NUFIP2: variants seen among roughly 807,000 people sequenced by gnomAD.
NUFIP2 encodes the protein nuclear FMR1 interacting protein 2.
In NUFIP2, 6 loss-of-function variants were observed where a neutral mutation model predicts 56.9. The observed-to-expected ratio is 0.11, with a 90% CI of 0.06 to 0.21. The LOEUF (loss-of-function observed/expected upper bound fraction) is 0.21. Ranked by LOEUF, NUFIP2 falls within the 10% of genes least tolerant of loss-of-function variation. NUFIP2 has a pLI of 1.00. For missense variants in NUFIP2, 828 were observed against 826.8 expected (o/e 1.00, Z -0.02); for synonymous variants, 321 against 298.2 (o/e 1.08, Z -0.79).
chr17:29,289,032 G>T (rs1191640922), intron 1 of NUFIP2, among the ~76,000 whole-genome samples: 2 of 152,068 alleles, frequency 1.3e-5, no homozygotes, highest in East Asian at 3.9e-4. Flanking sequence ...ACTCCCAGCT[G>T]GGGGAGCTGA....
intron 1 of NUFIP2, among the ~76,000 whole-genome samples, chr17:29,292,227 G>A (rs1481352114): frequency 2.6e-5 from 4 of 152,004 alleles, no homozygotes; most frequent in African/African-American, 7.3e-5. Context: ...GAGGCAAGAT[G>A]GTAGTAGTCT....
At position 29,287,487 on chromosome 17, in the gene NUFIP2, T is replaced by C; in HGVS notation, c.507A>G (p.Glu169=). The C allele has an allele frequency of 6.2e-7, 1 of 1,614,114 alleles. No homozygotes were observed. The highest frequency in any genetic ancestry group is 8.5e-7 in the Non-Finnish European group (1 of 1,179,996). The part of the protein sequence containing the change: ...SMDKKNGKSY[E]NKSGENQSVD... ...CAGACTGATTCTCTCCAGATTTATTTTCATAAGACTTCCCATTCTTTTTGT... is the reference window on the plus strand; with the variant it reads ...CAGACTGATTCTCTCCAGATTTATTCTCATAAGACTTCCCATTCTTTTTGT... The change falls in exon 2 of 4, where the codon GAA becomes GAG. Residue 169 remains glutamate, a synonymous_variant. Transcript: ENST00000225388.
At chr17:29,291,209 G>A (rs1169384549) in intron 1 of NUFIP2, among the ~76,000 whole-genome samples, 1 of 152,050 alleles carries the variant, frequency 6.6e-6, no homozygotes, top group Admixed American at 6.6e-5. Flanking sequence ...AGGATTCCTA[G>A]CGCTTTATTT....
intron 2 of NUFIP2, among the ~76,000 whole-genome samples, chr17:29,281,662 C>A (rs1236413089): frequency 6.8e-6 from 1 of 147,706 alleles, no homozygotes; most frequent in East Asian, 2.0e-4. Flanking sequence ...GCACTCCAGC[C>A]TGGGTGACAA....
In NUFIP2 at chr17:29,285,957, A is replaced by C. The variant is rs761351828; in HGVS notation, c.2002+35T>G. The C allele has an allele frequency of 6.6e-6, 10 of 1,516,914 alleles. No homozygotes were observed. The South Asian group carries it at 9.9e-5, about 15-fold the overall frequency. 94.0% of individuals were successfully genotyped at this position (1,516,914 alleles called of 1,614,324 possible). ...ATATAAACAATATACTAAATTGGCC[A>C]ATAAAAATCTTTGTATAGGAAACAA... On this transcript the variant is annotated intron_variant, in intron 2 of 3. Transcript: ENST00000225388.
rs552315019 is a variant in NUFIP2 at position 29,263,277 on chromosome 17, G to A, written c.*1262C>T. The A allele has an allele frequency of 6.6e-6, 1 of 152,486 alleles. No individual in the cohort carries two copies. Among genetic ancestry groups the A allele is most frequent in the East Asian group, 1.9e-4 (1 of 5,182 alleles). 9.4% of individuals were successfully genotyped at this position (152,486 alleles called of 1,614,324 possible). A position where few individuals can be genotyped will look rare whatever the true frequency, so the allele number is the denominator to read the frequency against. On this transcript the variant is annotated 3_prime_UTR_variant, in exon 4 of 4. Transcript: ENST00000225388. ...GGATGGCAATGTAATGATAAGACAG[G>A]GCTAATGCTCTTCTCTGCCCCAAAG...
Position 29,287,028 on chromosome 17 carries a change from C to A in NUFIP2, c.966G>T (p.Lys322Asn). 6.2e-7 allele frequency: 1 copy of A among 1,614,200 alleles called. No individual in the cohort carries two copies. The change falls in exon 2 of 4, where the codon AAG becomes AAT. Residue 322 changes from lysine to asparagine, a missense_variant. Transcript: ENST00000225388. ...SKKFDDRPKG[K>N]HASAVASKED... is the part of the protein sequence containing the mutation. Reference sequence around the variant, plus strand: ...CTTTGGAGGCAACAGCTGAAGCATGCTTTCCTTTGGGCCGATCATCAAACT... The same window carrying A: ...CTTTGGAGGCAACAGCTGAAGCATGATTTCCTTTGGGCCGATCATCAAACT...
rs1567683972 is a variant in NUFIP2 at position 29,293,907 on chromosome 17, G to T, written c.153C>A (p.His51Gln). 14 of 1,614,038 alleles carry T rather than the reference G, an allele frequency of 8.7e-6. No individual in the cohort carries two copies. Among genetic ancestry groups the T allele is most frequent in the Non-Finnish European group, 1.2e-5 (14 of 1,179,968 alleles). ...GCTGCAGGTATTGGTGAGGCTGCTG[G>T]TGATGATGGTGGTGGTGGTGGTTGT... ...HSHNHHHHHHHQQPHQYLQHG... is the reference protein window; with the variant it reads ...HSHNHHHHHHQQQPHQYLQHG... The change falls in exon 1 of 4, where the codon CAC becomes CAA. Residue 51 changes from histidine to glutamine, a missense_variant. Coordinates refer to ENST00000225388, the MANE Select transcript of NUFIP2 (RefSeq NM_020772.3).
chr17:29,277,404 C>T (rs1049748292), intron 2 of NUFIP2, among the ~76,000 whole-genome samples: 3 of 152,168 alleles, frequency 2.0e-5, no homozygotes, highest in Non-Finnish European at 4.4e-5. Context: ...GCCAAACAAA[C>T]TGACTCCCAC....
intron 2 of NUFIP2, 141 bp downstream of exon 2, chr17:29,285,851 T>C (rs994106944): frequency 9.5e-6 from 6 of 631,792 alleles, no homozygotes; most frequent in Admixed American, 3.1e-5. Context: ...CTGAATTAGT[T>C]TGACACCAGC....
rs1297289705 is a variant in NUFIP2, at chr17:29,286,812, T to C, written c.1182A>G (p.Ser394=). 5.0e-6 allele frequency: 8 copies of C among 1,614,030 alleles called. No homozygotes were observed. The highest frequency in any genetic ancestry group is 6.8e-6 in the Non-Finnish European group (8 of 1,180,020). ...SSSTGETQTQ[S]SSRLSQVPMS... ...TAGGGACCTGGGATAAGCGACTTGATGATTGGGTCTGAGTTTCCCCGGTAG... is the reference window on the plus strand; with the variant it reads ...TAGGGACCTGGGATAAGCGACTTGACGATTGGGTCTGAGTTTCCCCGGTAG... The change falls in exon 2 of 4, where the codon TCA becomes TCG. Residue 394 remains serine (S), a synonymous_variant. Transcript: ENST00000225388.
intron 2 of NUFIP2, among the ~76,000 whole-genome samples, chr17:29,282,462 C>T (rs1247698322): frequency 2.0e-5 from 3 of 151,366 alleles, no homozygotes; most frequent in South Asian, 2.1e-4. Context: ...GCAGGAGAAT[C>T]GCTTGAACCC....
At chr17:29,293,431 A>G (rs987461932) in intron 1 of NUFIP2, among the ~76,000 whole-genome samples, 1 of 152,032 alleles carries the variant, frequency 6.6e-6, no homozygotes, top group Non-Finnish European at 1.5e-5. Context: ...GGTTTACCCC[A>G]TCTCAGGGCC....
At chr17:29,284,058 A>T (rs190728331) in intron 2 of NUFIP2, among the ~76,000 whole-genome samples, 2 of 152,332 alleles carry the variant, frequency 1.3e-5, no homozygotes, top group East Asian at 3.9e-4. Flanking sequence ...TCACTTTGTT[A>T]TTCATCCCTG....
At position 29,286,162 on chromosome 17, in the gene NUFIP2, G is replaced by A. The variant is rs2069172243; in HGVS notation, c.1832C>T (p.Ala611Val). The part of the protein sequence containing the change: ...LQKADTSSQG[A>V]LVFLSKDYEI... ...GTAGTCCTTTGAGAGAAACACTAAAGCACCTTGACTACTGGTGTCTGCTTT... is the reference window on the plus strand; with the variant it reads ...GTAGTCCTTTGAGAGAAACACTAAAACACCTTGACTACTGGTGTCTGCTTT... Residue 611 changes from alanine to valine, a missense_variant, in exon 2 of 4, where the codon GCT (alanine) becomes GTT (valine). This residue lies in a region of NUFIP2 where 404 missense variants were observed against 380.3 expected (regional missense o/e 1.06). Coordinates refer to ENST00000225388, the MANE Select transcript of NUFIP2 (RefSeq NM_020772.3). The A allele has an allele frequency of 6.2e-7, 1 of 1,613,952 alleles. No homozygotes were observed.
intron 3 of NUFIP2, among the ~76,000 whole-genome samples, chr17:29,266,998 G>A (rs1048647144): frequency 1.3e-5 from 2 of 151,512 alleles, no homozygotes; most frequent in African/African-American, 2.4e-5. Flanking sequence ...CTGCCTCCTG[G>A]GTTCAAGCTA....
At chr17:29,267,919 G>T (rs764573756) in intron 2 of NUFIP2, among the ~76,000 whole-genome samples, 1 of 97,270 alleles carries the variant, frequency 1.0e-5, no homozygotes, top group South Asian at 3.7e-4. Flanking sequence ...GTTTTTTTGA[G>T]ACTGAGTTTC....
At chr17:29,265,711 T>TAA (rs35098158) in intron 3 of NUFIP2, among the ~76,000 whole-genome samples, 21 of 112,130 alleles carry the variant, frequency 1.9e-4, no homozygotes, top group Admixed American at 5.5e-4. Flanking sequence ...TATACATGCT[T>TAA]AAAAAAAAAA....
intron 2 of NUFIP2, among the ~76,000 whole-genome samples, chr17:29,282,756 T>TTAC (rs1405885306): frequency 3.9e-5 from 6 of 152,082 alleles, no homozygotes; most frequent in Non-Finnish European, 8.8e-5. Flanking sequence ...CACTTAGAGA[T>TTAC]TACTACTGAA....
Sources: gnomAD v4.1 joint callset for allele counts (sites outside exome capture counted in the v4.1 genomes callset) on GRCh38, gnomAD v4.1.1 for gene constraint, gnomAD v4.1.1 regional missense constraint, MANE v1.5 for transcripts, NCBI Gene and HGNC (gene_info 2026-07-23, HGNC 2026-07-21) for gene names.